The following GTF3C1 variants were observed in gnomAD, a reference collection of about 807,000 sequenced individuals.
GTF3C1 encodes general transcription factor IIIC subunit 1, also known as general transcription factor 3C polypeptide 1.
GTF3C1 carries 57 observed loss-of-function variants against 226.7 expected under a neutral mutation model. That is an observed-to-expected ratio of 0.25 (90% CI 0.20 to 0.31). GTF3C1 has a LOEUF of 0.31. Among genes scored for constraint, GTF3C1 ranks in the 10% least tolerant of loss-of-function variants. The probability of loss-of-function intolerance (pLI) is 1.00; values close to 1 mark genes in which losing one functional copy is unlikely to be tolerated. For missense variants in GTF3C1, 2,217 were observed against 2,776.1 expected, an observed-to-expected ratio of 0.80 and a Z score of 4.53; for synonymous variants, 1,090 against 1,084.8, an observed-to-expected ratio of 1.00 and a Z score of -0.09.
At chr16:27,544,677 T>C (rs949426045) in intron 2 of GTF3C1, among the ~76,000 whole-genome samples, 35 of 151,732 alleles carry the variant, frequency 2.3e-4, no homozygotes, top group African/African-American at 8.5e-4. Flanking sequence ...AAAATGATCA[T>C]TTGGATTAGA....
At chr16:27,482,476 C>T (rs2088068272) in intron 26 of GTF3C1, 1 of 456,002 alleles carries the variant, frequency 2.2e-6, no homozygotes, top group African/African-American at 2.0e-5. Flanking sequence ...CACTGTCCTG[C>T]AATGGCCATG....
chr16:27,481,012 G>C, intron 27 of GTF3C1, 67 bp downstream of exon 27: 1 of 1,315,682 alleles, frequency 7.6e-7, no homozygotes, highest in Non-Finnish European at 1.1e-6. Context: ...GCTGATAAGG[G>C]AGACAGGGCT....
Position 27,462,847 on chromosome 16 carries a change from G to A in GTF3C1, c.5925-361C>T, listed in dbSNP as rs79121044. 4,875 of 266,338 alleles carry A rather than the reference G, an allele frequency of 0.018. 134 individuals are homozygous for A. The highest frequency in any genetic ancestry group is 0.1 in the East Asian group (1,422 of 13,746). 16.5% of individuals were successfully genotyped at this position (266,338 alleles called of 1,614,324 possible). On this transcript the variant is annotated intron_variant, in intron 35 of 36. Transcript: ENST00000356183. The surrounding 1 kb of genome is among the most constrained non-coding windows in gnomAD (Gnocchi z 4.5). Reference sequence around the variant, plus strand: ...AGGCTGTGGCAAAACTCACGGGAGCGTGACCCTGAAGCTCTGCTCCACGCC... The same window carrying A: ...AGGCTGTGGCAAAACTCACGGGAGCATGACCCTGAAGCTCTGCTCCACGCC...
At position 27,538,320 on chromosome 16, in the gene GTF3C1, G is replaced by A. The variant is rs751981545; in HGVS notation, c.468C>T (p.Ala156=). Residue 156 remains alanine, a synonymous_variant, in exon 3 of 37, where the codon GCC becomes GCT. Transcript: ENST00000356183. The part of the protein sequence containing the change: ...GKKLIIVASQ[A]MRYRALIGQE... ...GGCCTATCAAGGCCCTGTACCGCAT[G>A]GCCTGGGAGGCAACGATGATCAGTT... The A allele has an allele frequency of 6.3e-7, 1 of 1,578,124 alleles. No homozygotes were observed. Among genetic ancestry groups the A allele is most frequent in the Admixed American group, 2.0e-5 (1 of 49,832 alleles).
At chr16:27,493,627 T>C (rs1362481325) in intron 16 of GTF3C1, among the ~76,000 whole-genome samples, 2 of 152,224 alleles carry the variant, frequency 1.3e-5, no homozygotes, top group African/African-American at 4.8e-5. Flanking sequence ...AGAACACGCG[T>C]TCCTTTTGAA....
At chr16:27,528,538 T>C (rs2088866841) in intron 6 of GTF3C1, 60 bp downstream of exon 6, 1 of 1,369,512 alleles carries the variant, frequency 7.3e-7, no homozygotes, top group Non-Finnish European at 1.0e-6. Context: ...AGGCTGAAGC[T>C]TAGAAGACAG....
In GTF3C1 at chr16:27,494,962, T is replaced by G. The variant is rs2088294038; in HGVS notation, c.2633-54A>C. 4 of 1,506,730 alleles carry G rather than the reference T, an allele frequency of 2.7e-6. No individual in the cohort carries two copies. The Admixed American group carries it at 6.8e-5, about 26-fold the overall frequency. The allele number at this position is 1,506,730 out of a possible 1,614,324, so 93.3% of individuals were successfully genotyped here. A position where few individuals can be genotyped will look rare whatever the true frequency, so the allele number is the denominator to read the frequency against. Reference sequence around the variant, plus strand: ...GCAGCCAGGATACCAGTCACCATGGTGACACATGGTAACGTCATCTCCCAG... The same window carrying G: ...GCAGCCAGGATACCAGTCACCATGGGGACACATGGTAACGTCATCTCCCAG... On this transcript the variant is annotated intron_variant, in intron 15 of 36. Transcript: ENST00000356183.
intron 17 of GTF3C1, 109 bp downstream of exon 17, chr16:27,493,090 G>A (rs905449300): frequency 2.9e-6 from 2 of 679,408 alleles, no homozygotes; most frequent in African/African-American, 1.8e-5. Context: ...GTTTTTGCAA[G>A]CTGGAAGTTA....
In GTF3C1 at chr16:27,538,166, AT is replaced by A. The variant is rs757396049; in HGVS notation, c.608+13del. 4.6e-6 allele frequency: 7 copies of A among 1,519,504 alleles called. No individual in the cohort carries two copies. The African/African-American group carries it at 8.4e-5, about 18-fold the overall frequency. The allele number at this position is 1,519,504 out of a possible 1,614,324, so 94.1% of individuals were successfully genotyped here. On this transcript the variant is annotated intron_variant, in intron 3 of 36. Coordinates refer to ENST00000356183, the MANE Select transcript of GTF3C1 (RefSeq NM_001520.4). ...CATATAATTTAAAGCAGAGAAGCAA[AT>A]CCCCCCACTTACTTGAAAGCAGTGG...
At chr16:27,494,235 A>G (rs2088277328) in intron 16 of GTF3C1, among the ~76,000 whole-genome samples, 1 of 152,046 alleles carries the variant, frequency 6.6e-6, no homozygotes, top group Non-Finnish European at 1.5e-5. Context: ...CCCCGTCTCT[A>G]TTAAAAATAT....
Position 27,485,031 on chromosome 16 carries a change from C to T in GTF3C1, c.3859-678G>A, listed in dbSNP as rs146059756. ...CACTTACCCATCAGCTCTGCAATGA[C>T]GAAGCCATTGCAGATGCAGGGAACA... On this transcript the variant is annotated intron_variant, in intron 24 of 36. Transcript: ENST00000356183. 2.8e-4 allele frequency among the ~76,000 whole-genome samples: 42 copies of T among 152,348 alleles called. No homozygotes were observed. In the East Asian group the frequency reaches 7.3e-3, roughly 27 times the overall value.
At chr16:27,480,754 T>A (rs2088031892) in intron 27 of GTF3C1, 1 of 284,858 alleles carries the variant, frequency 3.5e-6, no homozygotes, top group Non-Finnish European at 6.7e-6. Context: ...CTGGCCCTGG[T>A]ACTTACAAGC....
Position 27,461,994 on chromosome 16 carries a change from G to C in GTF3C1, c.6117+300C>G, listed in dbSNP as rs989156569. ...GCCAAGCAGGAAGCAGCTGCACCAGGGGGCAGCTGCTTGACCCGTGGGGCC... is the reference window on the plus strand; with the variant it reads ...GCCAAGCAGGAAGCAGCTGCACCAGCGGGCAGCTGCTTGACCCGTGGGGCC... On this transcript the variant is annotated intron_variant, in intron 36 of 36. Transcript: ENST00000356183. The surrounding 1 kb of genome is among the most constrained non-coding windows in gnomAD (Gnocchi z 5.3). 2 of 414,510 alleles carry C rather than the reference G, an allele frequency of 4.8e-6. No individual in the cohort carries two copies. The highest frequency in any genetic ancestry group is 3.9e-5 in the African/African-American group (2 of 50,692). 25.7% of individuals were successfully genotyped at this position (414,510 alleles called of 1,614,324 possible).
In GTF3C1 at chr16:27,464,492, T is replaced by C; in HGVS notation, c.5700A>G (p.Gly1900=). 1 of 1,539,410 alleles carries C rather than the reference T, an allele frequency of 6.5e-7. No individual in the cohort carries two copies. Among genetic ancestry groups the C allele is most frequent in the Non-Finnish European group, 8.7e-7 (1 of 1,146,846 alleles). ...CCTGGGCTTCTGCCCCATCTTCAGC[T>C]CCGGGCCCAAGGCTGGGGGCCAAAT... ...DSNLAPSLGP[G]AEDGAEAQAP... Residue 1900 remains glycine (G), a synonymous_variant, in exon 34 of 37, where the codon GGA becomes GGG. Transcript: ENST00000356183.
intron 27 of GTF3C1, chr16:27,480,870 G>A: frequency 1.8e-6 from 1 of 541,252 alleles, no homozygotes. Context: ...AAGGACCAAT[G>A]GGAGAATGAA....
At chr16:27,488,027 C>A (rs544902655) in intron 23 of GTF3C1, among the ~76,000 whole-genome samples, 200 bp downstream of exon 23, 1 of 152,038 alleles carries the variant, frequency 6.6e-6, no homozygotes, top group Non-Finnish European at 1.5e-5. Context: ...GGGAAGCATA[C>A]GGGATATTCG....
At chr16:27,496,098 G>A (rs2088312229) in intron 14 of GTF3C1, among the ~76,000 whole-genome samples, 1 of 152,140 alleles carries the variant, frequency 6.6e-6, no homozygotes, top group African/African-American at 2.4e-5. Context: ...TTGTTTAAAA[G>A]TGTGTGGCAC....
chr16:27,490,800 T>G (rs2088221587), intron 19 of GTF3C1, among the ~76,000 whole-genome samples: 1 of 152,148 alleles, frequency 6.6e-6, no homozygotes, highest in Non-Finnish European at 1.5e-5. Flanking sequence ...GATGATTGCA[T>G]CTCATTATAT....
At chr16:27,505,804 A>G in intron 10 of GTF3C1, 95 bp downstream of exon 10, 2 of 767,350 alleles carry the variant, frequency 2.6e-6, no homozygotes, top group African/African-American at 1.7e-5. Flanking sequence ...CTCGCTGTGG[A>G]TGATTCCACT....
Sources: allele counts gnomAD v4.1 joint callset (sites outside exome capture counted in the v4.1 genomes callset), GRCh38; gene constraint gnomAD v4.1.1; non-coding constraint Gnocchi (gnomAD v3.1); transcripts MANE v1.5; gene names NCBI Gene and HGNC (gene_info 2026-07-23, HGNC 2026-07-21).